Variants in SRI observed in about 807,000 individuals in gnomAD.
SRI encodes the protein 22 kDa protein.
In SRI, 30 loss-of-function variants were observed where a neutral mutation model predicts 33.3. The observed-to-expected ratio is 0.90, with a 90% CI of 0.67 to 1.22. SRI has a LOEUF of 1.22. Among genes scored for constraint, SRI ranks in the 50% most tolerant of loss-of-function variants. The pLI is 0.00. For missense variants in SRI, 243 were observed against 250.8 expected, an observed-to-expected ratio of 0.97 and a Z score of 0.21; for synonymous variants, 75 against 89.9, an observed-to-expected ratio of 0.83 and a Z score of 0.94.
chr7:88,226,667 A>T (rs1852004607), intron 1 of SRI, among the ~76,000 whole-genome samples: 1 of 152,240 alleles, frequency 6.6e-6, no homozygotes, highest in Non-Finnish European at 1.5e-5. Flanking sequence ...GGAGCTTCTT[A>T]ATTAAAATAA....
At chr7:88,221,710 T>C (rs1851891564), upstream of SRI, among the ~76,000 whole-genome samples, 1 of 152,214 alleles carries the variant, frequency 6.6e-6, no homozygotes, top group African/African-American at 2.4e-5. Flanking sequence ...AATTACACTT[T>C]AAGTTTTAGG....
chr7:88,226,868 G>A, intron 1 of SRI: 2 of 1,598,692 alleles, frequency 1.3e-6, no homozygotes, highest in Non-Finnish European at 8.6e-7. Context: ...CATTGGAGCT[G>A]CATGGAATAG....
upstream of SRI, chr7:88,220,200 T>G (rs542731053): frequency 4.5e-4 from 593 of 1,313,850 alleles, 2 homozygotes; most frequent in African/African-American, 8.7e-3. Flanking sequence ...CTCCCCTGCC[T>G]GCGCGCTTCT....
rs73397644 is a variant in SRI, at chr7:88,217,341, T to G, written c.136-150A>C. The G allele has an allele frequency of 9.6e-3, 6,564 of 686,824 alleles. 322 individuals are homozygous for G. The African/African-American group carries it at 0.1, about 11-fold the overall frequency. The allele number at this position is 686,824 out of a possible 1,614,324, so 42.5% of individuals were successfully genotyped here. On this transcript the variant is annotated intron_variant, in intron 2 of 7. Transcript: ENST00000265729. ...CTTTTTTTTATTAAAAGGAATGCCT[T>G]CCAAAAGTGGGCATTCTTTTCCTTA...
At chr7:88,209,898 G>A in intron 5 of SRI, 85 bp downstream of exon 5, 8 of 1,566,880 alleles carry the variant, frequency 5.1e-6, no homozygotes, top group Non-Finnish European at 7.0e-6. Context: ...TTACAGGTGT[G>A]AGCCACTGCA....
intron 3 of SRI, among the ~76,000 whole-genome samples, chr7:88,213,070 C>G (rs1357416640): frequency 6.6e-6 from 1 of 152,176 alleles, no homozygotes; most frequent in African/African-American, 2.4e-5. Flanking sequence ...TCAATTCCCT[C>G]TCCACCAATA....
intron 5 of SRI, 140 bp downstream of exon 5, chr7:88,209,843 C>T (rs113243849): frequency 3.2e-5 from 35 of 1,093,282 alleles, no homozygotes; most frequent in African/African-American, 7.8e-5. Context: ...CTCGAACTCC[C>T]GAGCTCAGGC....
intron 3 of SRI, among the ~76,000 whole-genome samples, chr7:88,216,121 G>A (rs961270370): frequency 2.0e-5 from 3 of 152,148 alleles, no homozygotes; most frequent in Non-Finnish European, 4.4e-5. Context: ...GGGACCACAG[G>A]TGCATGCCAC....
chr7:88,205,285 A>C lies in SRI; in HGVS notation c.*1193T>G, dbSNP rs1185412623. ...CTTGATAAAAAAGGCAAACCAGGCCAGTTTTAAATTTAAGAAACAGAAACA... is the reference window on the plus strand; with the variant it reads ...CTTGATAAAAAAGGCAAACCAGGCCCGTTTTAAATTTAAGAAACAGAAACA... On this transcript the variant is annotated 3_prime_UTR_variant, in exon 8 of 8. Transcript: ENST00000265729. 1 of 152,248 alleles carries C rather than the reference A, an allele frequency of 6.6e-6. No individual in the cohort carries two copies. The highest frequency in any genetic ancestry group is 6.5e-5 in the Admixed American group (1 of 15,284). 9.4% of individuals were successfully genotyped at this position (152,248 alleles called of 1,614,324 possible). A position where few individuals can be genotyped will look rare whatever the true frequency, so the allele number is the denominator to read the frequency against.
chr7:88,213,323 T>C (rs1010247925), intron 3 of SRI, among the ~76,000 whole-genome samples: 1 of 152,202 alleles, frequency 6.6e-6, no homozygotes, highest in South Asian at 2.1e-4. Context: ...AACTGGTACA[T>C]AAGGTAACAC....
intron 3 of SRI, chr7:88,216,850 C>T (rs1851731583): frequency 1.0e-5 from 5 of 485,508 alleles, no homozygotes; most frequent in South Asian, 6.6e-5. Context: ...TCATAGATTA[C>T]TGCAGCCAAA....
chr7:88,216,812 T>C (rs1349997062), intron 3 of SRI: 1 of 344,794 alleles, frequency 2.9e-6, no homozygotes, highest in African/African-American at 2.1e-5. Context: ...TCTTGCTCTG[T>C]TGCTCAGGCT....
Position 88,218,954 on chromosome 7 carries a change from G to C in SRI, c.52-12C>G. ...GGAGCCCCTCCATACTGTGAAACAGGAAACACATACACGTCATTCTGCCGA... is the reference window on the plus strand; with the variant it reads ...GGAGCCCCTCCATACTGTGAAACAGCAAACACATACACGTCATTCTGCCGA... On this transcript the variant is annotated splice_polypyrimidine_tract_variant and intron_variant, in intron 1 of 7. Coordinates refer to ENST00000265729, the MANE Select transcript of SRI (RefSeq NM_003130.4). 1.2e-6 allele frequency: 2 copies of C among 1,611,318 alleles called. No homozygotes were observed. The highest frequency in any genetic ancestry group is 2.2e-5 in the South Asian group (2 of 91,018).
In SRI at chr7:88,212,135, C is replaced by T. The variant is rs1851594273; in HGVS notation, c.206-1210G>A. Among the ~76,000 whole-genome samples the T allele has an allele frequency of 1.3e-5, 2 of 152,162 alleles. 1 individual carries two copies. The highest frequency in any genetic ancestry group is 4.1e-4 in the South Asian group (2 of 4,830). On this transcript the variant is annotated intron_variant, in intron 3 of 7. Coordinates refer to ENST00000265729, the MANE Select transcript of SRI (RefSeq NM_003130.4). ...TGTAGCTTCATATTTTTTCTCAAACCAAACTGAAATTAAAACACAACTGCG... is the reference window on the plus strand; with the variant it reads ...TGTAGCTTCATATTTTTTCTCAAACTAAACTGAAATTAAAACACAACTGCG...
chr7:88,213,656 C>T lies in SRI; in HGVS notation c.206-2731G>A, dbSNP rs144757232. Among the ~76,000 whole-genome samples the T allele has an allele frequency of 4.3e-3, 656 of 152,272 alleles. 6 individuals carry two copies. Among genetic ancestry groups the T allele is most frequent in the African/African-American group, 0.015 (616 of 41,538 alleles). On this transcript the variant is annotated intron_variant, in intron 3 of 7. Coordinates refer to ENST00000265729, the MANE Select transcript of SRI (RefSeq NM_003130.4). ...GCATTGATTGTGGCTACAGAGCCAGCACCTAGCTCATAGGAAGTATTCACT... is the reference window on the plus strand; with the variant it reads ...GCATTGATTGTGGCTACAGAGCCAGTACCTAGCTCATAGGAAGTATTCACT...
At chr7:88,226,302 C>A (rs961538848) in intron 1 of SRI, among the ~76,000 whole-genome samples, 1 of 152,146 alleles carries the variant, frequency 6.6e-6, no homozygotes, top group Admixed American at 6.5e-5. Context: ...GTCCTGGAGC[C>A]GGGGTAGAGC....
intron 1 of SRI, among the ~76,000 whole-genome samples, chr7:88,226,711 A>G (rs1344942188): frequency 6.6e-6 from 1 of 152,184 alleles, no homozygotes; most frequent in Non-Finnish European, 1.5e-5. Context: ...ATTTTTCAGT[A>G]GTTACTTGCC....
intron 5 of SRI, 98 bp downstream of exon 5, chr7:88,209,885 G>C (rs1435090007): frequency 6.6e-7 from 1 of 1,522,878 alleles, no homozygotes; most frequent in Non-Finnish European, 9.1e-7. Context: ...CAAAGTGCTG[G>C]GATTACAGGT....
intron 1 of SRI, 152 bp from the exon 2 acceptor site, chr7:88,219,094 C>T: frequency 1.5e-6 from 1 of 688,082 alleles, no homozygotes. Context: ...TGCCAACACT[C>T]CACCCCTCTC....
Sources: gnomAD v4.1 joint callset for allele counts (sites outside exome capture counted in the v4.1 genomes callset) on GRCh38, gnomAD v4.1.1 for gene constraint, MANE v1.5 for transcripts, NCBI Gene and HGNC (gene_info 2026-07-23, HGNC 2026-07-21) for gene names.